The following DNMBP variants were observed in gnomAD, a reference collection of about 807,000 sequenced individuals.
DNMBP encodes the protein dynamin binding protein.
DNMBP carries 87 observed loss-of-function variants against 150.0 expected under a neutral mutation model. The observed-to-expected ratio is 0.58, with a 90% CI of 0.49 to 0.69. The LOEUF is 0.69. Ranked by LOEUF, DNMBP falls within the 30% of genes least tolerant of loss-of-function variation. The probability of loss-of-function intolerance (pLI) is 0.00; values close to 1 mark genes in which losing one functional copy is unlikely to be tolerated. For missense variants in DNMBP, 1,774 were observed against 1,949.0 expected (o/e 0.91, Z 1.69); for synonymous variants, 711 against 750.4 (o/e 0.95, Z 0.86).
At chr10:99,993,174 T>C (rs1263008365) in intron 1 of DNMBP, among the ~76,000 whole-genome samples, 1 of 152,224 alleles carries the variant, frequency 6.6e-6, no homozygotes, top group Non-Finnish European at 1.5e-5. Flanking sequence ...TGTCAGCTAT[T>C]ATCATTATCT....
intron 12 of DNMBP, among the ~76,000 whole-genome samples, chr10:99,887,881 A>C (rs1457628659): frequency 1.3e-5 from 2 of 151,024 alleles, no homozygotes; most frequent in Non-Finnish European, 3.0e-5. Context: ...CTGGAGTACA[A>C]TGGCATGATC....
At chr10:99,981,875 T>C (rs2040782922) in intron 1 of DNMBP, among the ~76,000 whole-genome samples, 1 of 152,180 alleles carries the variant, frequency 6.6e-6, no homozygotes, top group Admixed American at 6.5e-5. Flanking sequence ...CGTTGCTCTA[T>C]TAAACACCAC....
At chr10:99,883,638 CAAAA>C (rs71009782) in intron 15 of DNMBP, among the ~76,000 whole-genome samples, 266 of 65,570 alleles carry the variant, frequency 4.1e-3, no homozygotes, top group Non-Finnish European at 3.1e-3. Context: ...AAGACTGCCA[CAAAA>C]AAAAAAAAAA....
intron 6 of DNMBP, among the ~76,000 whole-genome samples, chr10:99,904,895 C>T (rs1373137240): frequency 6.6e-6 from 1 of 152,126 alleles, no homozygotes; most frequent in East Asian, 1.9e-4. Context: ...TGCTAAGACT[C>T]TCATTTCTGA....
chr10:99,948,048 T>G (rs148536506), intron 4 of DNMBP, among the ~76,000 whole-genome samples: 69 of 152,330 alleles, frequency 4.5e-4, no homozygotes, highest in Non-Finnish European at 8.2e-4. Context: ...GCACGGGATA[T>G]GGGAAATCTC....
At chr10:99,930,494 G>A (rs906454008) in intron 4 of DNMBP, 2 of 702,844 alleles carry the variant, frequency 2.8e-6, no homozygotes, top group African/African-American at 3.5e-5. Flanking sequence ...GGTACACACA[G>A]CCCTTTCCAC....
intron 6 of DNMBP, 112 bp downstream of exon 6, chr10:99,907,883 C>T: frequency 2.8e-6 from 2 of 726,548 alleles, no homozygotes; most frequent in South Asian, 3.4e-5. Context: ...GACTAAGTAC[C>T]TACACCTGTA....
chr10:99,879,084 C>CAA lies in DNMBP; in HGVS notation c.4548+725_4548+726dup, dbSNP rs71009780. 3.2e-4 allele frequency among the ~76,000 whole-genome samples: 20 copies of CAA among 62,392 alleles called. 1 individual carries two copies. In the East Asian group the frequency reaches 3.2e-3, roughly 10 times the overall value. 40.9% of individuals were successfully genotyped at this position (62,392 alleles called of 152,430 possible). A position where few individuals can be genotyped will look rare whatever the true frequency, so the allele number is the denominator to read the frequency against. Reference sequence around the variant, plus strand: ...TGGGCGACAGAGCAAGACTCTGTCTCAAAAAAAAAAAAAAAAACCCAAAAC... The same window carrying CAA: ...TGGGCGACAGAGCAAGACTCTGTCTCAAAAAAAAAAAAAAAAAAACCCAAAAC... On this transcript the variant is annotated intron_variant, in intron 16 of 16. Transcript: ENST00000324109.
At chr10:99,905,570 A>T (rs966634485) in intron 6 of DNMBP, among the ~76,000 whole-genome samples, 1 of 152,026 alleles carries the variant, frequency 6.6e-6, no homozygotes, top group Non-Finnish European at 1.5e-5. Flanking sequence ...TAAAAATAAA[A>T]AAGCTAGTTG....
rs1433383862 is a variant in DNMBP, at chr10:99,891,553, A to C, written c.3157-2600T>G. On this transcript the variant is annotated intron_variant, in intron 11 of 16. Coordinates refer to ENST00000324109, the MANE Select transcript of DNMBP (RefSeq NM_015221.4). Reference sequence around the variant, plus strand: ...TACACCTCCCAGCCGCCTGCCTTGGACTCCCAAAGTGCCGAGATTGCAGCC... The same window carrying C: ...TACACCTCCCAGCCGCCTGCCTTGGCCTCCCAAAGTGCCGAGATTGCAGCC... 2.6e-3 allele frequency among the ~76,000 whole-genome samples: 389 copies of C among 151,136 alleles called. 2 individuals are homozygous for C. Among genetic ancestry groups the C allele is most frequent in the African/African-American group, 8.9e-3 (363 of 40,886 alleles).
chr10:99,935,087 C>CAAAAAAAAAAAA (rs71009790), intron 4 of DNMBP, among the ~76,000 whole-genome samples: 26 of 48,538 alleles, frequency 5.4e-4, no homozygotes, highest in East Asian at 1.7e-3. Flanking sequence ...CCTGTCTCCA[C>CAAAAAAAAAAAA]AAAAAAAAAA....
chr10:99,983,671 A>G (rs58918995), intron 1 of DNMBP, among the ~76,000 whole-genome samples: 3,352 of 152,314 alleles, frequency 0.022, 111 homozygotes, highest in African/African-American at 0.075. Flanking sequence ...CTGACTCACC[A>G]CACGGACTCT....
In DNMBP at chr10:99,956,700, C is replaced by T. The variant is rs1342492227; in HGVS notation, c.774G>A (p.Glu258=). The T allele has an allele frequency of 6.2e-7, 1 of 1,613,640 alleles. No homozygotes were observed. The highest frequency in any genetic ancestry group is 1.3e-5 in the African/African-American group (1 of 74,910). ...GVALYRFQAL[E]PNELDFEVGD... is the part of the protein sequence containing the mutation. ...CGACCTCGAAATCCAGCTCATTTGG[C>T]TCCAGGGCTTGGAATCTGTACAGGG... The change falls in exon 4 of 17, where the codon GAG becomes GAA. Residue 258 remains glutamate, a synonymous_variant. Coordinates refer to ENST00000324109, the MANE Select transcript of DNMBP (RefSeq NM_015221.4).
At chr10:99,901,677 T>A (rs527332371) in intron 6 of DNMBP, among the ~76,000 whole-genome samples, 1 of 152,116 alleles carries the variant, frequency 6.6e-6, no homozygotes, top group African/African-American at 2.4e-5. Flanking sequence ...CTCCTCTCAG[T>A]GTATTTGGTG....
intron 1 of DNMBP, among the ~76,000 whole-genome samples, chr10:99,996,519 A>G (rs1399280665): frequency 6.6e-6 from 1 of 152,172 alleles, no homozygotes; most frequent in African/African-American, 2.4e-5. Flanking sequence ...GACTCCAACT[A>G]AATTAAAAAA....
intron 4 of DNMBP, among the ~76,000 whole-genome samples, chr10:99,950,239 C>T (rs973779321): frequency 6.6e-6 from 1 of 152,232 alleles, no homozygotes; most frequent in Non-Finnish European, 1.5e-5. Context: ...TCCTTGCCTT[C>T]CACCATGATT....
intron 4 of DNMBP, among the ~76,000 whole-genome samples, chr10:99,947,485 T>C (rs1424346444): frequency 6.7e-6 from 1 of 149,972 alleles, no homozygotes; most frequent in Non-Finnish European, 1.5e-5. Flanking sequence ...TTGCATGTTT[T>C]CACTTATAAG....
intron 6 of DNMBP, among the ~76,000 whole-genome samples, chr10:99,902,621 A>AAT (rs1408165960): frequency 3.3e-5 from 4 of 121,524 alleles, no homozygotes; most frequent in Non-Finnish European, 5.2e-5. Flanking sequence ...CCTCCCTTTA[A>AAT]AAAAAAAAAA....
At chr10:99,974,304 G>A (rs2040706217) in intron 1 of DNMBP, among the ~76,000 whole-genome samples, 1 of 152,206 alleles carries the variant, frequency 6.6e-6, no homozygotes. Context: ...TGTCTGTGCT[G>A]TAATAAGACG....
Sources: gnomAD v4.1 joint callset for allele counts (sites outside exome capture counted in the v4.1 genomes callset) on GRCh38, gnomAD v4.1.1 for gene constraint, MANE v1.5 for transcripts, NCBI Gene and HGNC (gene_info 2026-07-23, HGNC 2026-07-21) for gene names.